Variants in NPL observed in about 807,000 individuals in gnomAD.
NPL encodes N-acetylneuraminate lyase.
Under a neutral mutation model 41.1 loss-of-function variants are expected in NPL, and 32 were observed. The ratio of observed to expected loss-of-function variants is 0.78; its 90% CI spans 0.59 to 1.05. The LOEUF is 1.05. NPL is among the 50% of genes least tolerant of loss of function. NPL has a pLI of 0.00. For synonymous variants in NPL, 128 were observed against 134.9 expected (o/e 0.95, Z 0.35); for missense variants, 321 against 378.4 (o/e 0.85, Z 1.26).
intron 3 of NPL, among the ~76,000 whole-genome samples, chr1:182,799,615 T>C (rs969542091): frequency 4.6e-5 from 7 of 151,124 alleles, no homozygotes; most frequent in African/African-American, 1.5e-4. Flanking sequence ...TAAATAAAAT[T>C]AGTGGGGCAC....
In NPL at chr1:182,829,513, T is replaced by A. The variant is rs1667713850; in HGVS notation, c.*605T>A. 2.0e-6 allele frequency: 3 copies of A among 1,507,708 alleles called. No homozygotes were observed. The South Asian group carries it at 3.8e-5, about 19-fold the overall frequency. 93.4% of individuals were successfully genotyped at this position (1,507,708 alleles called of 1,614,324 possible). A position where few individuals can be genotyped will look rare whatever the true frequency, so the allele number is the denominator to read the frequency against. Reference sequence around the variant, plus strand: ...GGGTCAGGTGAGGACTTGTTTCAGTTCCTATAACTAAGTAAAGGGCGGCTT... The same window carrying A: ...GGGTCAGGTGAGGACTTGTTTCAGTACCTATAACTAAGTAAAGGGCGGCTT... On this transcript the variant is annotated 3_prime_UTR_variant, in exon 13 of 13. Coordinates refer to ENST00000367553, the MANE Select transcript of NPL (RefSeq NM_030769.3).
intron 12 of NPL, among the ~76,000 whole-genome samples, chr1:182,827,774 G>C (rs903679708): frequency 9.2e-5 from 14 of 152,032 alleles, no homozygotes; most frequent in Admixed American, 5.9e-4. Flanking sequence ...TGAATGTGCT[G>C]GTTCTCCTGC....
At chr1:182,792,172 A>G (rs1557938064) in intron 1 of NPL, 60 bp from the exon 2 acceptor site, 2 of 152,244 alleles carry the variant, frequency 1.3e-5, no homozygotes, top group Non-Finnish European at 2.9e-5. Context: ...CTTTACATGA[A>G]TTAGTTCATT....
chr1:182,828,873 G>T lies in NPL; in HGVS notation c.928G>T (p.Asp310Tyr), dbSNP rs762550866. 6.2e-7 allele frequency: 1 copy of T among 1,614,194 alleles called. No homozygotes were observed. Among genetic ancestry groups the T allele is most frequent in the Non-Finnish European group, 8.5e-7 (1 of 1,180,032 alleles). ...LKSLDFLSFTDLKDGNLEAGS is the reference protein window; with the variant it reads ...LKSLDFLSFTYLKDGNLEAGS ...GAGCCTGGATTTCCTTTCTTTCACT[G>T]ATTTAAAGGATGGAAACTTGGAAGC... The change falls in exon 13 of 13, where the codon GAT becomes TAT. Residue 310 changes from aspartate to tyrosine, a missense_variant. Transcript: ENST00000367553. This position sits in a 1 kb window ranked among gnomAD's most constrained non-coding sequence, Gnocchi z 4.0.
intron 5 of NPL, among the ~76,000 whole-genome samples, chr1:182,809,539 T>TAAA (rs35178861): frequency 2.4e-5 from 3 of 125,528 alleles, no homozygotes; most frequent in African/African-American, 8.7e-5. Context: ...GACTCCATCT[T>TAAA]AAAAAAAAAA....
At chr1:182,805,463 G>A (rs1178493520) in intron 4 of NPL, among the ~76,000 whole-genome samples, 1 of 152,052 alleles carries the variant, frequency 6.6e-6, no homozygotes. Context: ...AATGATTGTA[G>A]TAGAAGGAAA....
At chr1:182,801,666 A>G (rs1322939355) in intron 3 of NPL, among the ~76,000 whole-genome samples, 4 of 152,124 alleles carry the variant, frequency 2.6e-5, no homozygotes, top group African/African-American at 9.7e-5. Flanking sequence ...TCTGGGCAAC[A>G]TAGTGAGGTC....
chr1:182,817,250 G>A (rs1291126269), intron 8 of NPL, among the ~76,000 whole-genome samples: 1 of 152,082 alleles, frequency 6.6e-6, no homozygotes, highest in Non-Finnish European at 1.5e-5. Flanking sequence ...CGAGAGAAGA[G>A]TTTTACAATT....
Position 182,829,317 on chromosome 1 carries a change from G to A in NPL, c.*409G>A. 1.7e-6 allele frequency: 2 copies of A among 1,203,280 alleles called. No homozygotes were observed. Among genetic ancestry groups the A allele is most frequent in the Non-Finnish European group, 1.0e-6 (1 of 966,522 alleles). 74.5% of individuals were successfully genotyped at this position (1,203,280 alleles called of 1,614,324 possible). On this transcript the variant is annotated 3_prime_UTR_variant, in exon 13 of 13. Coordinates refer to ENST00000367553, the MANE Select transcript of NPL (RefSeq NM_030769.3). ...TTAATAAATATTCATTTGGAATCTA[G>A]GAAAACTCTGAGCTACTGCATTTAG...
At chr1:182,819,870 T>C (rs1205960227) in intron 10 of NPL, among the ~76,000 whole-genome samples, 1 of 152,212 alleles carries the variant, frequency 6.6e-6, no homozygotes, top group Admixed American at 6.5e-5. Context: ...TACAAGAAGA[T>C]ATGTTATTAT....
At chr1:182,819,524 TCACCTGAACC>T (rs1386306842) in intron 10 of NPL, among the ~76,000 whole-genome samples, 3 of 150,140 alleles carry the variant, frequency 2.0e-5, no homozygotes, top group Admixed American at 6.6e-5. Context: ...GGCATGAGAA[TCACCTGAACC>T]CAGGAGACAG....
At chr1:182,816,865 T>C in intron 8 of NPL, 59 bp downstream of exon 8, 2 of 1,381,558 alleles carry the variant, frequency 1.4e-6, no homozygotes, top group Non-Finnish European at 2.0e-6. Context: ...TACCCTATTA[T>C]GCTAAGAAAC....
chr1:182,806,107 G>T, intron 4 of NPL, 38 bp from the exon 5 acceptor site: 1 of 1,613,616 alleles, frequency 6.2e-7, no homozygotes, highest in South Asian at 1.1e-5. Context: ...AAGCAGAGGT[G>T]CTCCTTGGTC....
At chr1:182,826,266 G>A (rs1235670902) in intron 12 of NPL, 1 of 183,986 alleles carries the variant, frequency 5.4e-6, no homozygotes, top group African/African-American at 2.4e-5. Flanking sequence ...ATGGATGGAG[G>A]TTTGGATAAT....
At chr1:182,825,934 C>G (rs1452172771) in intron 12 of NPL, 114 bp downstream of exon 12, 1 of 852,770 alleles carries the variant, frequency 1.2e-6, no homozygotes, top group African/African-American at 1.7e-5. Flanking sequence ...CTGTTGCAAG[C>G]AGAGTTCTGT....
chr1:182,826,571 A>G (rs985666255), intron 12 of NPL: 1 of 152,116 alleles, frequency 6.6e-6, no homozygotes, highest in African/African-American at 2.4e-5. Context: ...AGGGTTCTCA[A>G]CCCACTCTCT....
At chr1:182,811,045 T>C (rs961662018) in intron 5 of NPL, among the ~76,000 whole-genome samples, 4 of 151,606 alleles carry the variant, frequency 2.6e-5, no homozygotes, top group Non-Finnish European at 5.9e-5. Flanking sequence ...TCTTGATTTT[T>C]TTTAAATTTA....
At position 182,816,579 on chromosome 1, in the gene NPL, G is replaced by A. The variant is rs958532003; in HGVS notation, c.365-135G>A. The A allele has an allele frequency of 4.3e-6, 3 of 697,692 alleles. No individual in the cohort carries two copies. In the Admixed American group the frequency reaches 6.1e-5, roughly 14 times the overall value. 43.2% of individuals were successfully genotyped at this position (697,692 alleles called of 1,614,324 possible). On this transcript the variant is annotated intron_variant, in intron 7 of 12. Coordinates refer to ENST00000367553, the MANE Select transcript of NPL (RefSeq NM_030769.3). Reference sequence around the variant, plus strand: ...CAAAAACATTGCAGTAGCAGTAGCAGGGATAGTAAAAGTGGTTGAGAATTT... The same window carrying A: ...CAAAAACATTGCAGTAGCAGTAGCAAGGATAGTAAAAGTGGTTGAGAATTT...
At chr1:182,809,191 C>T (rs868049298) in intron 5 of NPL, 1 of 445,552 alleles carries the variant, frequency 2.2e-6, no homozygotes, top group Non-Finnish European at 4.5e-6. Context: ...TAAGGTCAAA[C>T]CATCATAAGT....
Sources: allele counts gnomAD v4.1 joint callset (sites outside exome capture counted in the v4.1 genomes callset), GRCh38; gene constraint gnomAD v4.1.1; non-coding constraint Gnocchi (gnomAD v3.1); transcripts MANE v1.5; gene names NCBI Gene and HGNC (gene_info 2026-07-23, HGNC 2026-07-21).